The following PTPRT variants were observed in gnomAD, a reference collection of about 807,000 sequenced individuals.
PTPRT encodes receptor-type tyrosine-protein phosphatase T.
A neutral mutation model predicts 176.8 loss-of-function variants in PTPRT; 56 were observed. The observed-to-expected ratio is 0.32, with a 90% confidence interval of 0.26 to 0.40. The LOEUF (loss-of-function observed/expected upper bound fraction) is 0.40. Among genes scored for constraint, PTPRT ranks in the 10% least tolerant of loss-of-function variants. The pLI is 1.00. For missense variants in PTPRT, 1,540 were observed against 1,908.2 expected (o/e 0.81, Z 3.60); for synonymous variants, 783 against 739.0 (o/e 1.06, Z -0.96).
intron 6 of PTPRT, among the ~76,000 whole-genome samples, chr20:42,717,181 T>TATAATAATA (rs71335871): frequency 1.4e-5 from 2 of 146,414 alleles, no homozygotes; most frequent in African/African-American, 5.0e-5. Context: ...AAACTTAAAG[T>TATAATAATA]ATAATAATAA....
At chr20:42,594,054 T>A (rs1366570434) in intron 7 of PTPRT, among the ~76,000 whole-genome samples, 3 of 151,868 alleles carry the variant, frequency 2.0e-5, no homozygotes, top group Non-Finnish European at 4.4e-5. Context: ...AGAAGGGAAG[T>A]GGGGAGCTGT....
intron 1 of PTPRT, among the ~76,000 whole-genome samples, chr20:43,163,134 G>A (rs536161909): frequency 3.9e-5 from 6 of 152,222 alleles, no homozygotes; most frequent in Non-Finnish European, 8.8e-5. Context: ...CCTTACAAAA[G>A]TTTGCCCTGA....
At chr20:42,334,466 C>T (rs532726700) in intron 11 of PTPRT, among the ~76,000 whole-genome samples, 3 of 152,296 alleles carry the variant, frequency 2.0e-5, no homozygotes, top group African/African-American at 7.2e-5. Flanking sequence ...AATATTCTGC[C>T]TTGCCAGTAA....
chr20:42,082,114 T>C, intron 29 of PTPRT, 97 bp from the exon 30 acceptor site: 1 of 1,552,190 alleles, frequency 6.4e-7, no homozygotes, highest in East Asian at 2.3e-5. Flanking sequence ...ATCAGCTGTC[T>C]GGGCAGATGC....
chr20:42,901,603 G>C (rs73099985), intron 1 of PTPRT, among the ~76,000 whole-genome samples: 2,496 of 152,190 alleles, frequency 0.016, 34 homozygotes, highest in South Asian at 0.025. Flanking sequence ...TGTGTCTTCT[G>C]TTCTGGCTTG....
At chr20:42,315,083 T>A (rs2057697146) in intron 12 of PTPRT, among the ~76,000 whole-genome samples, 1 of 141,764 alleles carries the variant, frequency 7.1e-6, no homozygotes, top group African/African-American at 2.6e-5. Flanking sequence ...GACACAAAAA[T>A]GGTTACCTTG....
At chr20:42,414,998 T>A (rs984683856) in intron 9 of PTPRT, among the ~76,000 whole-genome samples, 20 of 152,146 alleles carry the variant, frequency 1.3e-4, no homozygotes, top group African/African-American at 4.8e-4. Flanking sequence ...AAGGTGAAAC[T>A]GTATGGTAAT....
intron 7 of PTPRT, among the ~76,000 whole-genome samples, chr20:42,492,762 T>A (rs1300066628): frequency 1.3e-5 from 2 of 152,184 alleles, no homozygotes; most frequent in Non-Finnish European, 2.9e-5. Context: ...CTCTGTGTTA[T>A]ATGAATTATT....
chr20:42,769,652 G>A (rs185689680), intron 5 of PTPRT, among the ~76,000 whole-genome samples: 13 of 152,240 alleles, frequency 8.5e-5, no homozygotes, highest in Admixed American at 1.3e-4. Flanking sequence ...GAAAGAATAC[G>A]TCTCTACGAA....
intron 1 of PTPRT, among the ~76,000 whole-genome samples, chr20:43,061,091 G>GATGGATGT (rs1987441080): frequency 7.1e-6 from 1 of 140,682 alleles, no homozygotes; most frequent in African/African-American, 2.9e-5. Flanking sequence ...TAAATGAATG[G>GATGGATGT]ATGGATGGAT....
Position 42,472,317 on chromosome 20 carries a change from G to T in PTPRT, c.1399C>A (p.Pro467Thr). 6.2e-7 allele frequency: 1 copy of T among 1,614,214 alleles called. No individual in the cohort carries two copies. Among genetic ancestry groups the T allele is most frequent in the Non-Finnish European group, 8.5e-7 (1 of 1,180,042 alleles). ...TCCTCGCTCTCCATTCGGCCCTCGG[G>T]GTTAGACAGCAAGAGTCGCAGCCGG... ...TIRLRLLLSNPEGRMESEELV... is the reference protein window; with the variant it reads ...TIRLRLLLSNTEGRMESEELV... Residue 467 changes from proline (P) to threonine (T), a missense_variant, in exon 8 of 31, where the codon CCC (proline) becomes ACC (threonine). Transcript: ENST00000373187.
intron 1 of PTPRT, among the ~76,000 whole-genome samples, chr20:43,105,677 G>T (rs866271795): frequency 1.3e-5 from 2 of 152,308 alleles, no homozygotes; most frequent in Admixed American, 1.3e-4. Flanking sequence ...TAGGATTAAA[G>T]GTGTGAGCCA....
At chr20:42,471,644 T>G (rs1039147479) in intron 8 of PTPRT, among the ~76,000 whole-genome samples, 2 of 145,812 alleles carry the variant, frequency 1.4e-5, no homozygotes, top group African/African-American at 4.9e-5. Context: ...GTCTCCGGTG[T>G]TTTTTTTGTT....
intron 9 of PTPRT, among the ~76,000 whole-genome samples, chr20:42,386,755 G>C (rs1600934822): frequency 1.3e-5 from 2 of 152,234 alleles, no homozygotes; most frequent in East Asian, 3.9e-4. Flanking sequence ...CAGCTATTTG[G>C]GAGGCTGAGG....
At chr20:42,874,911 G>A (rs2078905616) in intron 2 of PTPRT, among the ~76,000 whole-genome samples, 1 of 152,072 alleles carries the variant, frequency 6.6e-6, no homozygotes, top group Non-Finnish European at 1.5e-5. Flanking sequence ...TTTTTGAGAT[G>A]AAGTTTTGCT....
intron 9 of PTPRT, among the ~76,000 whole-genome samples, chr20:42,356,537 T>C (rs374260760): frequency 6.6e-6 from 1 of 151,700 alleles, no homozygotes; most frequent in Non-Finnish European, 1.5e-5. Context: ...TCTATTAAAA[T>C]TACAAAAAAT....
chr20:42,173,635 G>A (rs997735372), intron 16 of PTPRT, among the ~76,000 whole-genome samples: 6 of 152,136 alleles, frequency 3.9e-5, no homozygotes, highest in African/African-American at 1.4e-4. Flanking sequence ...AGCAACAGAT[G>A]TTTAGTAGTG....
chr20:42,507,808 C>A (rs1436374204), intron 7 of PTPRT, among the ~76,000 whole-genome samples: 1 of 151,218 alleles, frequency 6.6e-6, no homozygotes, highest in African/African-American at 2.4e-5. Context: ...GCCAGGGTAG[C>A]CGGTCAGGTC....
At chr20:42,109,032 A>G (rs986902527) in intron 23 of PTPRT, among the ~76,000 whole-genome samples, 1 of 144,280 alleles carries the variant, frequency 6.9e-6, no homozygotes, top group Non-Finnish European at 1.5e-5. Flanking sequence ...TTTGATTGCT[A>G]TGAGATATAA....
Sources: allele counts gnomAD v4.1 joint callset (sites outside exome capture counted in the v4.1 genomes callset), GRCh38; gene constraint gnomAD v4.1.1; transcripts MANE v1.5; gene names NCBI Gene and HGNC (gene_info 2026-07-23, HGNC 2026-07-21).